PLCB1: variants seen among roughly 807,000 people sequenced by gnomAD.
The protein encoded by PLCB1 is phospholipase C beta 1, also known as 1-phosphatidylinositol 4,5-bisphosphate phosphodiesterase beta-1.
In PLCB1, 46 loss-of-function variants were observed where a neutral mutation model predicts 161.8. The observed-to-expected ratio is 0.28, with a 90% CI of 0.22 to 0.36. The LOEUF is 0.36. Ranked by LOEUF, PLCB1 falls within the 10% of genes least tolerant of loss-of-function variation. The pLI, the probability that PLCB1 is intolerant of heterozygous loss-of-function variation, is 1.00. For missense variants in PLCB1, 1,016 were observed against 1,472.5 expected, an observed-to-expected ratio of 0.69 and a Z score of 5.07; for synonymous variants, 517 against 503.7, an observed-to-expected ratio of 1.03 and a Z score of -0.35.
At chr20:8,513,057 G>A (rs1279640578) in intron 3 of PLCB1, among the ~76,000 whole-genome samples, 1 of 151,978 alleles carries the variant, frequency 6.6e-6, no homozygotes, top group Non-Finnish European at 1.5e-5. Context: ...GTCCTTCTGT[G>A]CCTGGCTTAT....
intron 2 of PLCB1, among the ~76,000 whole-genome samples, chr20:8,352,091 A>G (rs910167245): frequency 9.2e-5 from 14 of 152,100 alleles, no homozygotes; most frequent in African/African-American, 2.7e-4. Flanking sequence ...AGCCACCACG[A>G]TATCCTTCAA....
chr20:8,501,110 G>T (rs1402622372), intron 3 of PLCB1, among the ~76,000 whole-genome samples: 1 of 152,130 alleles, frequency 6.6e-6, no homozygotes, highest in African/African-American at 2.4e-5. Flanking sequence ...AGCTACACAA[G>T]AGGCACGCAC....
intron 3 of PLCB1, among the ~76,000 whole-genome samples, chr20:8,583,816 A>G (rs935772448): frequency 5.3e-5 from 8 of 152,234 alleles, no homozygotes; most frequent in Admixed American, 3.9e-4. Flanking sequence ...GGAGAAATGT[A>G]GGCAGCAGGC....
intron 12 of PLCB1, among the ~76,000 whole-genome samples, chr20:8,709,401 G>C (rs1222454272): frequency 6.6e-6 from 1 of 152,164 alleles, no homozygotes; most frequent in Admixed American, 6.5e-5. Context: ...AGTTTATCAT[G>C]TAGTTACTTT....
intron 31 of PLCB1, among the ~76,000 whole-genome samples, chr20:8,856,360 A>T (rs997304223): frequency 2.0e-5 from 3 of 152,174 alleles, no homozygotes; most frequent in African/African-American, 7.2e-5. Flanking sequence ...ACTTAAAAAT[A>T]TGTTGCTTAC....
intron 2 of PLCB1, among the ~76,000 whole-genome samples, chr20:8,159,105 C>T (rs1393923309): frequency 1.3e-5 from 2 of 152,196 alleles, no homozygotes; most frequent in African/African-American, 4.8e-5. Flanking sequence ...CTGCACTGCC[C>T]TAGCCGAGAC....
chr20:8,452,004 A>G (rs1981095989), intron 3 of PLCB1, among the ~76,000 whole-genome samples: 1 of 152,184 alleles, frequency 6.6e-6, no homozygotes, highest in South Asian at 2.1e-4. Context: ...TAACCCAGTT[A>G]GGGAATTCTT....
intron 3 of PLCB1, among the ~76,000 whole-genome samples, chr20:8,482,032 A>G (rs1489966829): frequency 6.8e-6 from 1 of 147,278 alleles, no homozygotes; most frequent in East Asian, 2.0e-4. Flanking sequence ...TATGCCATGT[A>G]TTTATAGTTT....
intron 3 of PLCB1, among the ~76,000 whole-genome samples, chr20:8,496,062 T>C (rs555997526): frequency 7.9e-5 from 12 of 152,320 alleles, no homozygotes; most frequent in Admixed American, 6.5e-4. Flanking sequence ...TGTAGCTTAA[T>C]CTCCAGTGCC....
intron 3 of PLCB1, among the ~76,000 whole-genome samples, chr20:8,556,014 C>A (rs1045161480): frequency 6.6e-6 from 1 of 151,870 alleles, no homozygotes; most frequent in Non-Finnish European, 1.5e-5. Flanking sequence ...TAATAAGTGA[C>A]TCTGAATGTC....
chr20:8,367,127 ACT>A (rs1245617990), intron 2 of PLCB1, among the ~76,000 whole-genome samples: 2 of 152,172 alleles, frequency 1.3e-5, no homozygotes, highest in Non-Finnish European at 2.9e-5. Context: ...TCTTCAGCTA[ACT>A]CTCACCACTA....
chr20:8,517,723 A>G (rs6055876), intron 3 of PLCB1, among the ~76,000 whole-genome samples: 33,759 of 152,036 alleles, frequency 0.22, 3,917 homozygotes, highest in African/African-American at 0.28. Flanking sequence ...GAATCTCTGG[A>G]TTGGCTACTC....
At chr20:8,776,805 A>T (rs1028655826) in intron 27 of PLCB1, among the ~76,000 whole-genome samples, 1 of 152,198 alleles carries the variant, frequency 6.6e-6, no homozygotes, top group Non-Finnish European at 1.5e-5. Context: ...CCATAAACAA[A>T]ATAAGTTGGT....
chr20:8,249,521 C>G (rs1473346530), intron 2 of PLCB1: 1 of 151,848 alleles, frequency 6.6e-6, no homozygotes, highest in African/African-American at 2.4e-5. Context: ...GAACTGGAAC[C>G]CTTAAATCAT....
In PLCB1 at chr20:8,720,846, A is replaced by AT. The variant is rs35830060; in HGVS notation, c.1514-1496dup. On this transcript the variant is annotated intron_variant, in intron 14 of 31. Transcript: ENST00000338037. ...TTTAATTAAAAGAATCCCCTCTCTGATTTTTTTTTTTTAAAAAAAAAAGGT... is the reference window on the plus strand; with the variant it reads ...TTTAATTAAAAGAATCCCCTCTCTGATTTTTTTTTTTTTAAAAAAAAAAGGT... Among the ~76,000 whole-genome samples the AT allele has an allele frequency of 5.5e-3, 817 of 147,434 alleles. 11 individuals carry two copies. The highest frequency in any genetic ancestry group is 0.027 in the South Asian group (126 of 4,654).
At chr20:8,346,448 C>A (rs1002060768) in intron 2 of PLCB1, among the ~76,000 whole-genome samples, 1 of 152,174 alleles carries the variant, frequency 6.6e-6, no homozygotes, top group South Asian at 2.1e-4. Flanking sequence ...CAAAGCAAGG[C>A]CCCTAGCTTA....
At chr20:8,653,823 A>G (rs1989381995) in intron 7 of PLCB1, among the ~76,000 whole-genome samples, 1 of 152,116 alleles carries the variant, frequency 6.6e-6, no homozygotes. Flanking sequence ...TTCAAAATAT[A>G]GTCATTGTGA....
At chr20:8,847,855 T>C (rs6086645) in intron 31 of PLCB1, among the ~76,000 whole-genome samples, 49,725 of 151,768 alleles carry the variant, frequency 0.33, 8,884 homozygotes, top group East Asian at 0.63. Context: ...GTAGTCTGCT[T>C]TGTGCTGCTA....
intron 2 of PLCB1, among the ~76,000 whole-genome samples, chr20:8,302,227 T>G (rs998509248): frequency 2.0e-5 from 3 of 152,218 alleles, no homozygotes; most frequent in African/African-American, 7.2e-5. Context: ...AACCTACTGT[T>G]TTAGATATAT....
Sources: allele counts gnomAD v4.1 joint callset (sites outside exome capture counted in the v4.1 genomes callset), GRCh38; gene constraint gnomAD v4.1.1; transcripts MANE v1.5; gene names NCBI Gene and HGNC (gene_info 2026-07-23, HGNC 2026-07-21).